AAMDC: variants seen among roughly 807,000 people sequenced by gnomAD.
The protein encoded by AAMDC is adipogenesis associated Mth938 domain containing, also known as mth938 domain-containing protein.
In AAMDC, 16 loss-of-function variants were observed where a neutral mutation model predicts 15.5. That is an observed-to-expected ratio of 1.03 (90% CI 0.70 to 1.57). AAMDC has a LOEUF of 1.57. Among genes scored for constraint, AAMDC ranks in the 40% most tolerant of loss-of-function variants. AAMDC has a pLI of 0.00. For synonymous variants in AAMDC, 51 were observed against 51.6 expected (o/e 0.99, Z 0.05); for missense variants, 141 against 144.9 (o/e 0.97, Z 0.14).
At chr11:77,822,369 C>T (rs990049078) in intron 1 of AAMDC, among the ~76,000 whole-genome samples, 180 of 142,810 alleles carry the variant, frequency 1.3e-3, no homozygotes, top group African/African-American at 4.4e-3. Context: ...GAGTCGAGGT[C>T]GCGCCACTGC....
intron 1 of AAMDC, among the ~76,000 whole-genome samples, chr11:77,835,693 C>T (rs1565198692): frequency 6.6e-6 from 1 of 151,864 alleles, no homozygotes. Flanking sequence ...CTGAGGTGGG[C>T]GGATCGCTTG....
chr11:77,823,190 G>A (rs1322717911), intron 1 of AAMDC, among the ~76,000 whole-genome samples: 2 of 145,358 alleles, frequency 1.4e-5, no homozygotes. Flanking sequence ...ACTCCAGCCT[G>A]GGCGACAGAG....
chr11:77,847,373 T>C (rs1462177798), intron 2 of AAMDC, among the ~76,000 whole-genome samples: 1 of 152,238 alleles, frequency 6.6e-6, no homozygotes, highest in Non-Finnish European at 1.5e-5. Context: ...TTGTTCTGCA[T>C]TGTAAACAGT....
intron 5 of AAMDC, among the ~76,000 whole-genome samples, chr11:77,895,278 G>T (rs1313666697): frequency 1.3e-5 from 2 of 151,192 alleles, no homozygotes; most frequent in East Asian, 1.9e-4. Context: ...TTCATTGGAG[G>T]AATAAAGTTC....
At chr11:77,821,662 G>A (rs66622455) in intron 1 of AAMDC, among the ~76,000 whole-genome samples, 1 of 151,674 alleles carries the variant, frequency 6.6e-6, no homozygotes, top group Non-Finnish European at 1.5e-5. Context: ...ATTGAGAGGC[G>A]GAACATGACA....
intron 2 of AAMDC, among the ~76,000 whole-genome samples, chr11:77,852,241 A>AAAAAAAAAAAAAAT (rs56088603): frequency 8.1e-6 from 1 of 123,934 alleles, no homozygotes; most frequent in Non-Finnish European, 1.7e-5. Context: ...AAAAAAAAAA[A>AAAAAAAAAAAAAAT]GAAGAAGAAG....
At chr11:77,903,317 C>A (rs1459771571), downstream of AAMDC, among the ~76,000 whole-genome samples, 3 of 151,616 alleles carry the variant, frequency 2.0e-5, no homozygotes, top group Admixed American at 6.6e-5. Context: ...CCAGACAATT[C>A]CTGGACAGAG....
intron 2 of AAMDC, among the ~76,000 whole-genome samples, chr11:77,852,894 T>C (rs752137812): frequency 3.9e-5 from 6 of 152,214 alleles, no homozygotes; most frequent in Non-Finnish European, 7.3e-5. Context: ...TACCACTGTA[T>C]AGTAACCAAC....
chr11:77,826,863 G>C (rs949342875), intron 1 of AAMDC, among the ~76,000 whole-genome samples: 4 of 152,200 alleles, frequency 2.6e-5, no homozygotes, highest in African/African-American at 4.8e-5. Context: ...CCAGCACTTT[G>C]AGAGGCCGAG....
chr11:77,903,213 C>G (rs1298912136), downstream of AAMDC, among the ~76,000 whole-genome samples: 2 of 152,232 alleles, frequency 1.3e-5, no homozygotes, highest in Non-Finnish European at 2.9e-5. Context: ...TAGTTATGCT[C>G]CTTCTCATAT....
downstream of AAMDC, chr11:77,901,313 T>C (rs1009787251): frequency 2.9e-5 from 34 of 1,178,406 alleles, no homozygotes; most frequent in Admixed American, 4.6e-4. Context: ...TAGCTAGTCT[T>C]TCCTAAATTT....
At chr11:77,884,966 C>T (rs1951940978) in intron 5 of AAMDC, 1 of 202,266 alleles carries the variant, frequency 4.9e-6, no homozygotes, top group Admixed American at 4.9e-5. Flanking sequence ...TGCTATGTTG[C>T]CCAGGCTAGT....
At chr11:77,833,065 G>A (rs561055408) in intron 1 of AAMDC, among the ~76,000 whole-genome samples, 1 of 137,630 alleles carries the variant, frequency 7.3e-6, no homozygotes, top group East Asian at 2.2e-4. Flanking sequence ...AGGCTGGAGT[G>A]CAATGGCAGA....
downstream of AAMDC, among the ~76,000 whole-genome samples, chr11:77,904,962 T>C (rs999039222): frequency 6.6e-6 from 1 of 152,152 alleles, no homozygotes; most frequent in African/African-American, 2.4e-5. Context: ...TGGACCTAAT[T>C]TTAGATATCA....
chr11:77,881,685 A>G (rs1373518758), intron 5 of AAMDC, among the ~76,000 whole-genome samples: 1 of 152,234 alleles, frequency 6.6e-6, no homozygotes, highest in Non-Finnish European at 1.5e-5. Flanking sequence ...CATGTCAGGC[A>G]CTAGAGACAC....
intron 1 of AAMDC, among the ~76,000 whole-genome samples, chr11:77,836,070 T>C (rs1949670315): frequency 6.6e-6 from 1 of 152,232 alleles, no homozygotes; most frequent in Non-Finnish European, 1.5e-5. Context: ...CTCTCCAATC[T>C]TGATGTTGTT....
intron 5 of AAMDC, among the ~76,000 whole-genome samples, chr11:77,893,832 G>A (rs1238871994): frequency 2.0e-5 from 3 of 151,962 alleles, no homozygotes; most frequent in African/African-American, 4.8e-5. Context: ...GGCGGAGGCT[G>A]CAGTGAGCCA....
At chr11:77,846,126 G>C (rs1206997797) in intron 2 of AAMDC, among the ~76,000 whole-genome samples, 1 of 151,852 alleles carries the variant, frequency 6.6e-6, no homozygotes, top group African/African-American at 2.4e-5. Context: ...GTTCCTATGT[G>C]GTTCTATAAA....
chr11:77,852,266 AAAAG>A (rs1188503097), intron 2 of AAMDC, among the ~76,000 whole-genome samples: 1 of 150,906 alleles, frequency 6.6e-6, no homozygotes, highest in Non-Finnish European at 1.5e-5. Context: ...AGTTCAAAGA[AAAAG>A]AAAGAAAAAG....
Sources: gnomAD v4.1 joint callset for allele counts (sites outside exome capture counted in the v4.1 genomes callset) on GRCh38, gnomAD v4.1.1 for gene constraint, MANE v1.5 for transcripts, NCBI Gene and HGNC (gene_info 2026-07-23, HGNC 2026-07-21) for gene names.